BCLAF3: variants seen among roughly 807,000 people sequenced by gnomAD.
The protein encoded by BCLAF3 is BCLAF1 and THRAP3 family member 3.
A neutral mutation model predicts 51.2 loss-of-function variants in BCLAF3; 24 were observed. The ratio of observed to expected loss-of-function variants is 0.47; its 90% CI spans 0.34 to 0.66. The LOEUF is 0.66. Among genes scored for constraint, BCLAF3 ranks in the 30% least tolerant of loss-of-function variants. The pLI is 0.01. For synonymous variants in BCLAF3, 152 were observed against 176.6 expected (o/e 0.86, Z 1.10); for missense variants, 465 against 525.1 (o/e 0.89, Z 1.12).
chrX:19,961,903 T>C (rs2071869151), intron 4 of BCLAF3, among the ~76,000 whole-genome samples: 1 of 112,136 alleles, frequency 8.9e-6, no homozygotes, highest in African/African-American at 3.2e-5. Flanking sequence ...CAGATCCCAT[T>C]GACAGATTAT....
chrX:19,974,609 A>G (rs1308710195), intron 1 of BCLAF3, among the ~76,000 whole-genome samples: 1 of 112,005 alleles, frequency 8.9e-6, no homozygotes, highest in Non-Finnish European at 1.9e-5. Flanking sequence ...CAGGCACGGC[A>G]GCTCATTCAC....
At chrX:19,983,845 G>T (rs1451356318) in intron 1 of BCLAF3, among the ~76,000 whole-genome samples, 1 of 110,398 alleles carries the variant, frequency 9.1e-6, no homozygotes, top group Non-Finnish European at 1.9e-5. Flanking sequence ...AAGGCGGGTG[G>T]ATCACCTCAG....
chrX:19,972,137 T>C (rs771437316), intron 1 of BCLAF3, among the ~76,000 whole-genome samples: 1 of 112,302 alleles, frequency 8.9e-6, no homozygotes, highest in South Asian at 3.6e-4. Context: ...TATTATGAAA[T>C]TAAAACACTA....
chrX:19,952,997 T>C lies in BCLAF3; in HGVS notation c.1620A>G (p.Glu540=). Residue 540 remains glutamate, a synonymous_variant, in exon 7 of 12, where the codon GAA becomes GAG. Transcript: ENST00000379682. The stretch of plus-strand genomic sequence containing the variant: ...AATTGTATTCACTAACCTGTTCCGA[T>C]TCATAGATCACAGCTTGTTTACTCT... The part of the protein sequence containing the change: ...ELQSKQAVIY[E]SEQTLIKIID... The C allele has an allele frequency of 8.3e-7, 1 of 1,206,883 alleles. No individual in the cohort carries two copies. Among genetic ancestry groups the C allele is most frequent in the Admixed American group, 2.2e-5 (1 of 45,545 alleles).
intron 2 of BCLAF3, among the ~76,000 whole-genome samples, chrX:19,968,560 C>T (rs139234930): frequency 0.013 from 1,524 of 112,978 alleles, 9 homozygotes; most frequent in Middle Eastern, 0.018. Flanking sequence ...AGTCCCAGCC[C>T]TCACGGGACC....
intron 11 of BCLAF3, chrX:19,929,076 T>G (rs1432492987): frequency 3.6e-5 from 4 of 111,738 alleles, no homozygotes; most frequent in Non-Finnish European, 7.5e-5. Flanking sequence ...TTAAGTGTTC[T>G]CAATACAAAA....
chrX:19,990,138 C>A (rs1367759698), intron 1 of BCLAF3, among the ~76,000 whole-genome samples: 1 of 96,602 alleles, frequency 1.0e-5, no homozygotes, highest in Admixed American at 1.1e-4. Context: ...GTAATTTGTT[C>A]CAGGAAAAAA....
chrX:19,976,552 G>A (rs189822595), intron 1 of BCLAF3, among the ~76,000 whole-genome samples: 255 of 111,060 alleles, frequency 2.3e-3, no homozygotes, highest in African/African-American at 7.8e-3. Context: ...CACCACTCCT[G>A]GCTAATTTTT....
rs1291216814 is a variant in BCLAF3, at chrX:19,913,535, CT to C, written c.*3769del. The C allele has an allele frequency of 1.8e-5, 2 of 112,381 alleles. No individual in the cohort carries two copies. The highest frequency in any genetic ancestry group is 3.8e-5 in the Non-Finnish European group (2 of 53,269). 9.3% of individuals were successfully genotyped at this position (112,381 alleles called of 1,213,427 possible). A position where few individuals can be genotyped will look rare whatever the true frequency, so the allele number is the denominator to read the frequency against. On this transcript the variant is annotated 3_prime_UTR_variant, in exon 12 of 12. Transcript: ENST00000379682. Reference sequence around the variant, plus strand: ...AAACTCAAGTATGTGCCAGAATCCCCTGGAGGACTTGTTAAATCACAGATTG... The same window carrying C: ...AAACTCAAGTATGTGCCAGAATCCCCGGAGGACTTGTTAAATCACAGATTG...
At chrX:19,973,765 T>C (rs1445843365) in intron 1 of BCLAF3, among the ~76,000 whole-genome samples, 3 of 112,402 alleles carry the variant, frequency 2.7e-5, no homozygotes, top group African/African-American at 9.7e-5. Flanking sequence ...TACATAACTG[T>C]ATTTATTTCA....
intron 10 of BCLAF3, among the ~76,000 whole-genome samples, chrX:19,932,099 G>A (rs1283935916): frequency 1.8e-5 from 2 of 111,912 alleles, no homozygotes; most frequent in African/African-American, 6.5e-5. Context: ...CCAAATGTGT[G>A]TTCTTTTTTT....
chrX:19,918,359 C>T (rs927208319), intron 11 of BCLAF3, among the ~76,000 whole-genome samples: 1 of 110,262 alleles, frequency 9.1e-6, no homozygotes, highest in African/African-American at 3.3e-5. Context: ...TACCTACTTA[C>T]AACTTTAAAA....
intron 1 of BCLAF3, among the ~76,000 whole-genome samples, chrX:19,973,922 A>C (rs2072333330): frequency 8.9e-6 from 1 of 112,039 alleles, no homozygotes; most frequent in Non-Finnish European, 1.9e-5. Flanking sequence ...CCCATCAGAT[A>C]GGCCAAAAAT....
intron 8 of BCLAF3, among the ~76,000 whole-genome samples, chrX:19,940,471 C>T (rs2070978152): frequency 9.1e-6 from 1 of 110,126 alleles, no homozygotes; most frequent in African/African-American, 3.3e-5. Context: ...CTTCATGTGT[C>T]CATGTGATCT....
At chrX:19,973,891 T>C (rs933026698) in intron 1 of BCLAF3, among the ~76,000 whole-genome samples, 1 of 112,328 alleles carries the variant, frequency 8.9e-6, no homozygotes, top group Non-Finnish European at 1.9e-5. Flanking sequence ...AGCCATTTGA[T>C]ATGCCAAAGG....
intron 11 of BCLAF3, among the ~76,000 whole-genome samples, chrX:19,921,980 G>T (rs1315592394): frequency 9.1e-6 from 1 of 110,484 alleles, no homozygotes; most frequent in Non-Finnish European, 1.9e-5. Flanking sequence ...TCCAGCCTGG[G>T]CAACAGAGCA....
At chrX:19,950,698 A>C in intron 8 of BCLAF3, 55 bp downstream of exon 8, 2 of 891,310 alleles carry the variant, frequency 2.2e-6, no homozygotes, top group African/African-American at 4.0e-5. Context: ...AAATGTAAAA[A>C]TATGGTAAAA....
intron 4 of BCLAF3, among the ~76,000 whole-genome samples, chrX:19,958,972 T>G (rs2071760382): frequency 8.9e-6 from 1 of 112,211 alleles, no homozygotes; most frequent in Admixed American, 9.4e-5. Context: ...GTCTACTTCA[T>G]AGACAGCAAT....
intron 11 of BCLAF3, among the ~76,000 whole-genome samples, chrX:19,920,592 G>T (rs763918651): frequency 8.1e-5 from 9 of 111,297 alleles, no homozygotes; most frequent in African/African-American, 2.6e-4. Context: ...GGCCGAGGTG[G>T]GTGGATCGCT....
Sources: allele counts gnomAD v4.1 joint callset (sites outside exome capture counted in the v4.1 genomes callset), GRCh38; gene constraint gnomAD v4.1.1; transcripts MANE v1.5; gene names NCBI Gene and HGNC (gene_info 2026-07-23, HGNC 2026-07-21).